The following MDGA2 variants were observed in gnomAD, a reference collection of about 807,000 sequenced individuals.
MDGA2 encodes MAM domain containing glycosylphosphatidylinositol anchor 2, also known as MAM domain-containing glycosylphosphatidylinositol anchor protein 2.
Under a neutral mutation model 117.8 loss-of-function variants are expected in MDGA2, and 40 were observed. That is an observed-to-expected ratio of 0.34 (90% confidence interval 0.26 to 0.44). MDGA2 has a LOEUF of 0.44. MDGA2 is among the 20% of genes least tolerant of loss of function. The pLI is 1.00. For synonymous variants in MDGA2, 452 were observed against 439.0 expected (o/e 1.03, Z -0.37); for missense variants, 1,123 against 1,250.6 (o/e 0.90, Z 1.54).
intron 2 of MDGA2, among the ~76,000 whole-genome samples, chr14:47,281,846 C>T (rs1432767609): frequency 6.6e-6 from 1 of 151,860 alleles, no homozygotes; most frequent in African/African-American, 2.4e-5. Context: ...CACCTGAGGT[C>T]GGAAGCTCGA....
intron 10 of MDGA2, among the ~76,000 whole-genome samples, chr14:46,903,819 A>G (rs1002420536): frequency 6.6e-6 from 1 of 152,192 alleles, no homozygotes; most frequent in Admixed American, 6.5e-5. Context: ...GTGATTTATT[A>G]TGATTGCCTG....
intron 1 of MDGA2, among the ~76,000 whole-genome samples, chr14:47,356,812 G>C (rs1176129143): frequency 7.2e-5 from 11 of 152,140 alleles, no homozygotes; most frequent in Admixed American, 7.2e-4. Flanking sequence ...ACTAAACTTT[G>C]CATTCTAAAC....
intron 3 of MDGA2, chr14:47,201,048 C>A: frequency 8.8e-7 from 1 of 1,130,670 alleles, no homozygotes; most frequent in Non-Finnish European, 1.3e-6. Flanking sequence ...CAATGGCCGC[C>A]AGGCGGCCCA....
intron 1 of MDGA2, among the ~76,000 whole-genome samples, chr14:47,344,194 G>C (rs117710597): frequency 6.6e-6 from 1 of 152,098 alleles, no homozygotes; most frequent in Non-Finnish European, 1.5e-5. Context: ...AAAGAGGAAA[G>C]AATCTTTAGT....
intron 1 of MDGA2, among the ~76,000 whole-genome samples, chr14:47,533,416 T>G (rs1324531315): frequency 1.3e-5 from 2 of 152,168 alleles, no homozygotes; most frequent in African/African-American, 2.4e-5. Context: ...ATGTTGGGAT[T>G]TATTGATTGA....
chr14:47,205,088 TTC>T (rs1315486812), intron 3 of MDGA2, among the ~76,000 whole-genome samples: 1 of 151,944 alleles, frequency 6.6e-6, no homozygotes, highest in East Asian at 1.9e-4. Flanking sequence ...TATAGTTCGT[TTC>T]TGTCTGTACG....
At chr14:47,421,854 G>T (rs1399892930) in intron 1 of MDGA2, among the ~76,000 whole-genome samples, 7 of 151,910 alleles carry the variant, frequency 4.6e-5, no homozygotes, top group African/African-American at 1.5e-4. Flanking sequence ...CATTCTTTTT[G>T]AGTTTGTTTA....
At chr14:47,335,974 A>G (rs555607399) in intron 1 of MDGA2, among the ~76,000 whole-genome samples, 1 of 151,630 alleles carries the variant, frequency 6.6e-6, no homozygotes, top group South Asian at 2.1e-4. Flanking sequence ...AAATTTCAAT[A>G]CAAATTTAGG....
At chr14:47,048,777 ATAGATAAC>A (rs1732275501) in intron 7 of MDGA2, among the ~76,000 whole-genome samples, 1 of 152,128 alleles carries the variant, frequency 6.6e-6, no homozygotes, top group South Asian at 2.1e-4. Context: ...AGATCCGTTA[ATAGATAAC>A]TAATTAAAAA....
At chr14:47,668,073 T>C (rs1205998407) in intron 1 of MDGA2, among the ~76,000 whole-genome samples, 1 of 152,226 alleles carries the variant, frequency 6.6e-6, no homozygotes. Flanking sequence ...AATCCTCTTC[T>C]GTAACTCCTA....
chr14:47,662,958 C>A (rs1897877870), intron 1 of MDGA2, among the ~76,000 whole-genome samples: 1 of 152,094 alleles, frequency 6.6e-6, no homozygotes, highest in African/African-American at 2.4e-5. Context: ...GGGACAAAGA[C>A]CTAAAACTCT....
chr14:47,557,060 G>C (rs1182913563), intron 1 of MDGA2, among the ~76,000 whole-genome samples: 1 of 152,152 alleles, frequency 6.6e-6, no homozygotes, highest in Non-Finnish European at 1.5e-5. Flanking sequence ...CTTTGGGAGG[G>C]AACAACCATG....
chr14:47,582,649 T>C (rs1896250322), intron 1 of MDGA2, among the ~76,000 whole-genome samples: 1 of 151,912 alleles, frequency 6.6e-6, no homozygotes, highest in South Asian at 2.1e-4. Flanking sequence ...TACAATCTTT[T>C]CCATTGTTTA....
At chr14:47,035,381 G>A in intron 7 of MDGA2, 77 bp from the exon 8 acceptor site, 1 of 1,210,550 alleles carries the variant, frequency 8.3e-7, no homozygotes, top group East Asian at 2.4e-5. Context: ...AAATCATAAG[G>A]AAACAATTTC....
At chr14:47,395,639 T>C (rs114596499) in intron 1 of MDGA2, among the ~76,000 whole-genome samples, 2,604 of 152,230 alleles carry the variant, frequency 0.017, 38 homozygotes, top group Middle Eastern at 0.041. Context: ...ATGTACATGA[T>C]GATTCCTAGA....
In MDGA2 at chr14:47,102,781, C is replaced by T. The variant is rs146987330; in HGVS notation, c.926-5658G>A. 7.0e-3 allele frequency among the ~76,000 whole-genome samples: 1,069 copies of T among 152,304 alleles called. 8 individuals are homozygous for T. The highest frequency in any genetic ancestry group is 0.012 in the Non-Finnish European group (805 of 68,026). ...ATTCTCTGGGCCTTAACTTTCCCAT[C>T]TCATGCCCTGGTCGAACACATTCCT... On this transcript the variant is annotated intron_variant, in intron 5 of 16. Coordinates refer to ENST00000399232, the MANE Select transcript of MDGA2 (RefSeq NM_001113498.3).
intron 1 of MDGA2, among the ~76,000 whole-genome samples, chr14:47,588,055 C>A (rs563023265): frequency 6.6e-6 from 1 of 151,682 alleles, no homozygotes; most frequent in Admixed American, 6.6e-5. Flanking sequence ...ATTATTACTG[C>A]ATTTCTTTCT....
chr14:47,062,808 T>C (rs775034082), intron 6 of MDGA2, among the ~76,000 whole-genome samples: 5 of 152,204 alleles, frequency 3.3e-5, no homozygotes, highest in Middle Eastern at 3.4e-3. Flanking sequence ...CAGAATGAAC[T>C]AGAGATAAAT....
intron 2 of MDGA2, among the ~76,000 whole-genome samples, chr14:47,300,467 T>C (rs1001774647): frequency 1.3e-5 from 2 of 151,024 alleles, no homozygotes; most frequent in African/African-American, 2.4e-5. Context: ...CTTTTGTTCC[T>C]ACAAATTTTT....
Sources: allele counts gnomAD v4.1 joint callset (sites outside exome capture counted in the v4.1 genomes callset), GRCh38; gene constraint gnomAD v4.1.1; transcripts MANE v1.5; gene names NCBI Gene and HGNC (gene_info 2026-07-23, HGNC 2026-07-21).